The following RALGAPA2 variants were observed in gnomAD, a reference collection of about 807,000 sequenced individuals.
RALGAPA2 encodes the protein Ral GTPase activating protein catalytic subunit alpha 2, also known as ral GTPase-activating protein subunit alpha-2.
Under a neutral mutation model 230.4 loss-of-function variants are expected in RALGAPA2, and 139 were observed. The observed-to-expected ratio is 0.60, with a 90% CI of 0.53 to 0.69. The LOEUF (loss-of-function observed/expected upper bound fraction) is 0.69. RALGAPA2 is among the 30% of genes least tolerant of loss of function. RALGAPA2 has a pLI of 0.00. For missense variants in RALGAPA2, 2,163 were observed against 2,276.0 expected, an observed-to-expected ratio of 0.95 and a Z score of 1.01; for synonymous variants, 847 against 837.8, an observed-to-expected ratio of 1.01 and a Z score of -0.19.
At chr20:20,519,543 G>T (rs2062975807) in intron 31 of RALGAPA2, among the ~76,000 whole-genome samples, 1 of 152,222 alleles carries the variant, frequency 6.6e-6, no homozygotes, top group South Asian at 2.1e-4. Context: ...CCACTCTGGT[G>T]AAAGTGCTCT....
At chr20:20,483,648 G>C (rs2061835530) in intron 36 of RALGAPA2, among the ~76,000 whole-genome samples, 1 of 152,110 alleles carries the variant, frequency 6.6e-6, no homozygotes, top group South Asian at 2.1e-4. Context: ...CATGCATCAG[G>C]GAAACCATGT....
In RALGAPA2 at chr20:20,512,535, C is replaced by T. The variant is rs2062742696; in HGVS notation, c.4834G>A (p.Gly1612Arg). ...TACCTTCTGTCCCAAGAATTCATTC[C>T]CAAGTCATCAAGCAATAACCTGCAG... is the stretch of plus-strand genomic sequence containing the variant. ...YFCRLLLDDL[G>R]MNSWDRRKNF... Residue 1612 changes from glycine (G) to arginine (R), a missense_variant, in exon 32 of 40, where the codon GGA (glycine) becomes AGA (arginine). Physicochemically the swap from Gly to Arg is moderately radical, Grantham distance 125. Transcript: ENST00000202677. The T allele has an allele frequency of 6.2e-7, 1 of 1,605,934 alleles. No individual in the cohort carries two copies. The highest frequency in any genetic ancestry group is 8.5e-7 in the Non-Finnish European group (1 of 1,177,126).
At chr20:20,413,571 A>G (rs1028652769) in intron 37 of RALGAPA2, among the ~76,000 whole-genome samples, 4 of 151,870 alleles carry the variant, frequency 2.6e-5, no homozygotes, top group Non-Finnish European at 5.9e-5. Context: ...CCCTCCCCCC[A>G]CCTTGCTATA....
chr20:20,439,791 CACCAT>C (rs1373851856), intron 37 of RALGAPA2, among the ~76,000 whole-genome samples: 1 of 152,174 alleles, frequency 6.6e-6, no homozygotes, highest in Non-Finnish European at 1.5e-5. Flanking sequence ...GAAATGTACA[CACCAT>C]GAGTACAAAG....
intron 23 of RALGAPA2, among the ~76,000 whole-genome samples, chr20:20,547,234 T>C (rs2063797883): frequency 6.6e-6 from 1 of 152,224 alleles, no homozygotes; most frequent in African/African-American, 2.4e-5. Context: ...CACAGTTACA[T>C]TAAAATATCT....
chr20:20,432,369 G>A (rs1488251511), intron 37 of RALGAPA2, among the ~76,000 whole-genome samples: 2 of 152,198 alleles, frequency 1.3e-5, no homozygotes, highest in East Asian at 1.9e-4. Flanking sequence ...AGGGCAGGGT[G>A]GAGAGTGACC....
Position 20,640,987 on chromosome 20 carries a change from A to G in RALGAPA2, c.373-109T>C, listed in dbSNP as rs972401781. 9 of 953,256 alleles carry G rather than the reference A, an allele frequency of 9.4e-6. No homozygotes were observed. In the African/African-American group the frequency reaches 1.3e-4, roughly 14 times the overall value. The allele number at this position is 953,256 out of a possible 1,614,324, so 59.0% of individuals were successfully genotyped here. A position where few individuals can be genotyped will look rare whatever the true frequency, so the allele number is the denominator to read the frequency against. ...AAAACTACAAGTTAAAGGTGTGTTA[A>G]GTAGTAAACCAAATTCTTCACTTAG... On this transcript the variant is annotated intron_variant, in intron 5 of 39. Coordinates refer to ENST00000202677, the MANE Select transcript of RALGAPA2 (RefSeq NM_020343.4).
At chr20:20,418,393 T>G (rs992683337) in intron 37 of RALGAPA2, among the ~76,000 whole-genome samples, 38 of 152,286 alleles carry the variant, frequency 2.5e-4, no homozygotes, top group African/African-American at 8.9e-4. Flanking sequence ...AACCTGCTGC[T>G]GGGAGGAACT....
intron 36 of RALGAPA2, among the ~76,000 whole-genome samples, chr20:20,493,596 T>C (rs907719920): frequency 2.0e-5 from 3 of 152,228 alleles, no homozygotes; most frequent in Non-Finnish European, 4.4e-5. Context: ...TTTTAGGACA[T>C]TAAATGACAT....
intron 12 of RALGAPA2, among the ~76,000 whole-genome samples, chr20:20,617,874 T>C (rs1021670057): frequency 1.3e-5 from 2 of 152,280 alleles, no homozygotes; most frequent in Non-Finnish European, 1.5e-5. Context: ...AAACCAACTA[T>C]TTAAATCCAA....
chr20:20,611,444 A>G lies in RALGAPA2; in HGVS notation c.1689-18T>C. 1 of 1,607,584 alleles carries G rather than the reference A, an allele frequency of 6.2e-7. No homozygotes were observed. Among genetic ancestry groups the G allele is most frequent in the Non-Finnish European group, 8.5e-7 (1 of 1,176,892 alleles). ...TCTGTTCCCTGGGCCACCCAAAATA[A>G]AAGCTCATATTAATAATCATGTCTC... On this transcript the variant is annotated intron_variant, in intron 13 of 39. Transcript: ENST00000202677.
At chr20:20,529,316 G>A (rs1026128074) in intron 27 of RALGAPA2, among the ~76,000 whole-genome samples, 5 of 152,176 alleles carry the variant, frequency 3.3e-5, no homozygotes, top group African/African-American at 1.2e-4. Context: ...TCTCCATGCT[G>A]TGCTGGGATA....
intron 19 of RALGAPA2, among the ~76,000 whole-genome samples, chr20:20,584,238 G>C (rs566388771): frequency 2.0e-4 from 30 of 152,288 alleles, no homozygotes; most frequent in African/African-American, 6.5e-4. Flanking sequence ...CCATTTCTAA[G>C]TATTTAACCC....
chr20:20,435,519 C>A (rs776327173), intron 37 of RALGAPA2, among the ~76,000 whole-genome samples: 1 of 152,152 alleles, frequency 6.6e-6, no homozygotes, highest in South Asian at 2.1e-4. Context: ...ATAAAGTGTA[C>A]GGAATCATAT....
At chr20:20,628,446 C>T (rs528593701) in intron 10 of RALGAPA2, among the ~76,000 whole-genome samples, 35 of 152,176 alleles carry the variant, frequency 2.3e-4, no homozygotes, top group Non-Finnish European at 3.8e-4. Flanking sequence ...TTTTCAAGAG[C>T]ACCAGTACCT....
In RALGAPA2 at chr20:20,620,469, G is replaced by C. The variant is rs1044792572; in HGVS notation, c.1395C>G (p.Ser465Arg). The C allele has an allele frequency of 6.2e-7, 1 of 1,612,992 alleles. No individual in the cohort carries two copies. The highest frequency in any genetic ancestry group is 8.5e-7 in the Non-Finnish European group (1 of 1,179,608). ...GACAAGTGAAAAAAATTACCTCCTT[G>C]CTATCAGTCTCGGAAAATCCTAATT... ...AEKLGFSETD[S>R]KEASSESSGH... Residue 465 changes from serine (S) to arginine (R), a missense_variant, in exon 11 of 40, where the codon AGC becomes AGG. By Grantham distance (110) the Ser-to-Arg change is moderately radical (BLOSUM62 -1). Transcript: ENST00000202677.
At chr20:20,630,983 C>T (rs892361985) in intron 9 of RALGAPA2, among the ~76,000 whole-genome samples, 2 of 152,142 alleles carry the variant, frequency 1.3e-5, no homozygotes, top group African/African-American at 4.8e-5. Flanking sequence ...TTTAACACTC[C>T]TTCCACAGAG....
intron 15 of RALGAPA2, among the ~76,000 whole-genome samples, chr20:20,604,672 A>ATT (rs577112932): frequency 0.017 from 2,486 of 142,914 alleles, 24 homozygotes; most frequent in Non-Finnish European, 0.028. Context: ...ACATTATGAG[A>ATT]TTTTTTTTTT....
intron 31 of RALGAPA2, among the ~76,000 whole-genome samples, chr20:20,514,230 T>C (rs1382766023): frequency 6.6e-6 from 1 of 151,410 alleles, no homozygotes; most frequent in African/African-American, 2.4e-5. Context: ...TTCCTGGACA[T>C]AGATTGTGGT....
Sources: allele counts gnomAD v4.1 joint callset (sites outside exome capture counted in the v4.1 genomes callset), GRCh38; gene constraint gnomAD v4.1.1; transcripts MANE v1.5; gene names NCBI Gene and HGNC (gene_info 2026-07-23, HGNC 2026-07-21).